Variants in TXNDC16 observed in about 807,000 individuals in gnomAD.
TXNDC16 encodes the protein thioredoxin domain-containing protein 16.
TXNDC16 carries 74 observed loss-of-function variants against 85.6 expected under a neutral mutation model. The ratio of observed to expected loss-of-function variants is 0.86; its 90% confidence interval spans 0.72 to 1.05. The LOEUF (loss-of-function observed/expected upper bound fraction) is 1.05. Among genes scored for constraint, TXNDC16 ranks in the 50% least tolerant of loss-of-function variants. The pLI is 0.00. For synonymous variants in TXNDC16, 335 were observed against 326.5 expected (o/e 1.03, Z -0.28); for missense variants, 959 against 947.0 (o/e 1.01, Z -0.17).
intron 16 of TXNDC16, among the ~76,000 whole-genome samples, chr14:52,467,640 C>T (rs2035808466): frequency 6.6e-6 from 1 of 152,164 alleles, no homozygotes; most frequent in African/African-American, 2.4e-5. Context: ...CCCCTGTACA[C>T]TGTTGGTAGG....
chr14:52,512,520 A>G (rs2140183879), intron 8 of TXNDC16, among the ~76,000 whole-genome samples: 1 of 152,316 alleles, frequency 6.6e-6, no homozygotes, highest in South Asian at 2.1e-4. Flanking sequence ...AGATTCCTGA[A>G]TAGTCACATA....
At position 52,470,506 on chromosome 14, in the gene TXNDC16, A is replaced by G. The variant is rs182334267; in HGVS notation, c.1481+6T>C. 3.3e-5 allele frequency: 53 copies of G among 1,610,248 alleles called. No individual in the cohort carries two copies. In the East Asian group the frequency reaches 1.1e-3, roughly 34 times the overall value. Reference sequence around the variant, plus strand: ...CAGAGATCTTATAATGAAGCTGAATACTTACAGCTGGATAAATTTTAGGAG... The same window carrying G: ...CAGAGATCTTATAATGAAGCTGAATGCTTACAGCTGGATAAATTTTAGGAG... On this transcript the variant is annotated splice_donor_region_variant and intron_variant, in intron 15 of 20. Transcript: ENST00000281741.
chr14:52,488,831 G>GGAAAAAAAAAAAA (rs1336603891), intron 11 of TXNDC16, among the ~76,000 whole-genome samples: 1 of 89,958 alleles, frequency 1.1e-5, no homozygotes. Flanking sequence ...GAGACTCTGG[G>GGAAAAAAAAAAAA]AAAAAAAAAA....
intron 9 of TXNDC16, among the ~76,000 whole-genome samples, chr14:52,509,383 T>C (rs537662865): frequency 6.6e-6 from 1 of 152,144 alleles, no homozygotes; most frequent in Admixed American, 6.5e-5. Context: ...AACTATACAG[T>C]GAACTGTCCT....
chr14:52,462,728 CTAAT>C, intron 16 of TXNDC16: 1 of 346,986 alleles, frequency 2.9e-6, no homozygotes, highest in South Asian at 2.3e-5. Context: ...CTGAATAAGC[CTAAT>C]TAGAGAGTCC....
chr14:52,441,447 A>G lies in TXNDC16; in HGVS notation c.1843-723T>C, dbSNP rs184785281. Among the ~76,000 whole-genome samples the G allele has an allele frequency of 6.2e-4, 94 of 152,180 alleles. 2 individuals are homozygous for G. In the South Asian group the frequency reaches 6.8e-3, roughly 11 times the overall value. On this transcript the variant is annotated intron_variant, in intron 18 of 20. Coordinates refer to ENST00000281741, the MANE Select transcript of TXNDC16 (RefSeq NM_020784.3). ...AACATGGCAAAACCCTGTCTCTAAT[A>G]AAAGTACAAAAATTAGCTGGGTATG...
intron 9 of TXNDC16, among the ~76,000 whole-genome samples, chr14:52,506,890 C>A (rs1203681330): frequency 8.6e-5 from 13 of 150,964 alleles, no homozygotes; most frequent in Non-Finnish European, 1.8e-4. Context: ...CTCTCAACAA[C>A]TTAGGTATTG....
At chr14:52,541,266 T>G (rs1022104216) in intron 4 of TXNDC16, among the ~76,000 whole-genome samples, 1 of 152,012 alleles carries the variant, frequency 6.6e-6, no homozygotes, top group Non-Finnish European at 1.5e-5. Context: ...GTTTCAGTTA[T>G]GTTCGTCCAT....
At position 52,432,506 on chromosome 14, in the gene TXNDC16, C is replaced by G. The variant is rs199792826; in HGVS notation, c.2276G>C (p.Arg759Pro). ...ACACTTGGGAACTTTCCTAGTGCCACGTTGAGATGTTGCGGCATCTATCAT... is the reference window on the plus strand; with the variant it reads ...ACACTTGGGAACTTTCCTAGTGCCAGGTTGAGATGTTGCGGCATCTATCAT... ...LSMIDAATSQ[R>P]GTRKVPKCMK... Residue 759 changes from arginine to proline, a missense_variant, in exon 21 of 21, where the codon CGT becomes CCT. Transcript: ENST00000281741. The G allele has an allele frequency of 1.2e-6, 2 of 1,613,924 alleles. No individual in the cohort carries two copies. The highest frequency in any genetic ancestry group is 3.3e-5 in the Admixed American group (2 of 60,016).
At chr14:52,452,530 A>C (rs1002701535) in intron 18 of TXNDC16, among the ~76,000 whole-genome samples, 1 of 152,194 alleles carries the variant, frequency 6.6e-6, no homozygotes, top group Admixed American at 6.6e-5. Context: ...ATAAATCTGT[A>C]CATCTACAGT....
intron 6 of TXNDC16, among the ~76,000 whole-genome samples, chr14:52,530,439 A>AAT (rs1555342600): frequency 8.0e-3 from 25 of 3,106 alleles, no homozygotes; most frequent in Non-Finnish European, 9.1e-3. Context: ...AATAATATAT[A>AAT]ATATATTATT....
At chr14:52,467,214 A>T (rs2035797695) in intron 16 of TXNDC16, among the ~76,000 whole-genome samples, 1 of 152,070 alleles carries the variant, frequency 6.6e-6, no homozygotes, top group Admixed American at 6.6e-5. Flanking sequence ...TATTAGAAAA[A>T]AAATTAAGTT....
intron 7 of TXNDC16, 29 bp downstream of exon 7, chr14:52,519,143 C>A (rs2037151366): frequency 1.3e-6 from 2 of 1,596,544 alleles, no homozygotes; most frequent in African/African-American, 2.7e-5. Context: ...AGAGGCACAG[C>A]AAAGATTAAA....
chr14:52,495,219 T>C (rs1264122413), intron 9 of TXNDC16, among the ~76,000 whole-genome samples: 3 of 152,228 alleles, frequency 2.0e-5, no homozygotes, highest in African/African-American at 7.2e-5. Flanking sequence ...CTGAAGATTC[T>C]ACTTTACAGA....
chr14:52,442,154 G>C (rs961767539), intron 18 of TXNDC16, among the ~76,000 whole-genome samples: 1 of 152,178 alleles, frequency 6.6e-6, no homozygotes, highest in Admixed American at 6.5e-5. Context: ...GAATTGGAAA[G>C]TGCAACAACA....
chr14:52,473,012 G>A (rs1291215477), intron 14 of TXNDC16, among the ~76,000 whole-genome samples: 1 of 152,138 alleles, frequency 6.6e-6, no homozygotes, highest in Non-Finnish European at 1.5e-5. Flanking sequence ...TGTATAAGAA[G>A]ATTAAGGTGG....
chr14:52,450,853 T>TTATATATA (rs71125107), intron 18 of TXNDC16, among the ~76,000 whole-genome samples: 3 of 145,046 alleles, frequency 2.1e-5, no homozygotes, highest in South Asian at 4.4e-4. Context: ...AAAATGTGTT[T>TTATATATA]TATATATATA....
At chr14:52,547,500 G>A (rs1370056946) in intron 1 of TXNDC16, among the ~76,000 whole-genome samples, 1 of 152,076 alleles carries the variant, frequency 6.6e-6, no homozygotes, top group East Asian at 1.9e-4. Context: ...CACTTTTCCT[G>A]TAATTCATTT....
At chr14:52,503,906 G>T (rs559097558) in intron 9 of TXNDC16, among the ~76,000 whole-genome samples, 1 of 152,310 alleles carries the variant, frequency 6.6e-6, no homozygotes, top group Admixed American at 6.5e-5. Flanking sequence ...GAAAACTATG[G>T]CACGAGAACT....
Sources: gnomAD v4.1 joint callset for allele counts (sites outside exome capture counted in the v4.1 genomes callset) on GRCh38, gnomAD v4.1.1 for gene constraint, MANE v1.5 for transcripts, NCBI Gene and HGNC (gene_info 2026-07-23, HGNC 2026-07-21) for gene names.